C5: variants seen among roughly 807,000 people sequenced by gnomAD.
The protein encoded by C5 is complement C5, also known as C3 and PZP-like alpha-2-macroglobulin domain-containing protein 4.
In C5, 140 loss-of-function variants were observed where a neutral mutation model predicts 218.8. The ratio of observed to expected loss-of-function variants is 0.64; its 90% CI spans 0.56 to 0.74. The LOEUF (loss-of-function observed/expected upper bound fraction) is 0.74. C5 is among the 30% of genes least tolerant of loss of function. C5 has a pLI of 0.00. For missense variants in C5, 1,700 were observed against 1,969.6 expected (o/e 0.86, Z 2.59); for synonymous variants, 614 against 682.3 (o/e 0.90, Z 1.56).
At chr9:120,984,849 G>A (rs1468326270) in intron 25 of C5, among the ~76,000 whole-genome samples, 1 of 150,332 alleles carries the variant, frequency 6.7e-6, no homozygotes, top group Non-Finnish European at 1.5e-5. Context: ...AGCCTCCTGA[G>A]TAGGTGGGAC....
intron 30 of C5, among the ~76,000 whole-genome samples, chr9:120,974,120 C>G (rs779455728): frequency 2.0e-5 from 3 of 152,138 alleles, no homozygotes; most frequent in Non-Finnish European, 2.9e-5. Flanking sequence ...AAATATGTAT[C>G]AGCAGCTATA....
chr9:120,997,269 G>T (rs1411947873), intron 21 of C5, among the ~76,000 whole-genome samples: 1 of 151,764 alleles, frequency 6.6e-6, no homozygotes, highest in African/African-American at 2.4e-5. Flanking sequence ...GATATCTCTG[G>T]GTATGGGAAT....
At chr9:120,984,780 G>C (rs933310842) in intron 25 of C5, among the ~76,000 whole-genome samples, 18 of 134,626 alleles carry the variant, frequency 1.3e-4, no homozygotes, top group Non-Finnish European at 1.5e-5. Flanking sequence ...GGAGTGCAAT[G>C]GCGCAATCTT....
At chr9:120,978,237 CTA>C (rs1448840038) in intron 28 of C5, among the ~76,000 whole-genome samples, 2 of 152,016 alleles carry the variant, frequency 1.3e-5, no homozygotes, top group Non-Finnish European at 2.9e-5. Context: ...TTGGAACAAA[CTA>C]TTTGTTTTAA....
intron 3 of C5, among the ~76,000 whole-genome samples, chr9:121,041,789 A>ACC (rs2047583749): frequency 1.3e-5 from 2 of 152,084 alleles, no homozygotes; most frequent in Non-Finnish European, 2.9e-5. Context: ...GTCTAAAAGG[A>ACC]CCCAACCTTT....
intron 6 of C5, 110 bp from the exon 7 acceptor site, chr9:121,030,597 C>T (rs2047465856): frequency 1.6e-6 from 1 of 633,316 alleles, no homozygotes; most frequent in Non-Finnish European, 2.8e-6. Flanking sequence ...AACATCAACA[C>T]AACATCCACT....
intron 33 of C5, among the ~76,000 whole-genome samples, chr9:120,965,888 CT>C (rs558368513): frequency 6.6e-6 from 1 of 152,168 alleles, no homozygotes; most frequent in South Asian, 2.1e-4. Context: ...AACAGAAATC[CT>C]CCTTTCAAGA....
chr9:121,038,241 C>T (rs1246747632), intron 3 of C5, among the ~76,000 whole-genome samples: 1 of 152,120 alleles, frequency 6.6e-6, no homozygotes, highest in Admixed American at 6.6e-5. Flanking sequence ...AAAACATTCA[C>T]AGTATGAAAT....
intron 7 of C5, among the ~76,000 whole-genome samples, chr9:121,028,164 G>C (rs568593450): frequency 6.6e-6 from 1 of 152,318 alleles, no homozygotes; most frequent in African/African-American, 2.4e-5. Flanking sequence ...ACACCAGTTA[G>C]AATGGCAATC....
At chr9:120,993,483 C>T (rs1287854681) in intron 22 of C5, among the ~76,000 whole-genome samples, 3 of 152,150 alleles carry the variant, frequency 2.0e-5, no homozygotes, top group Non-Finnish European at 4.4e-5. Flanking sequence ...AGTGCAGTGG[C>T]GTGATCTTGG....
At position 120,989,679 on chromosome 9, in the gene C5, C is replaced by T. The variant is rs765069093; in HGVS notation, c.3043G>A (p.Val1015Ile). 31 of 1,613,420 alleles carry T rather than the reference C, an allele frequency of 1.9e-5. No homozygotes were observed. The highest frequency in any genetic ancestry group is 4.5e-5 in the East Asian group (2 of 44,878). ...TGAAAAACATAGAATACTGGGACAA[C>T]GCTCATCAGCTCCGCCTCTGCACTC... is the stretch of plus-strand genomic sequence containing the variant. ...KGSAEAELMS[V>I]VPVFYVFHYL... is the part of the protein sequence containing the mutation. Residue 1015 changes from valine (V) to isoleucine (I), a missense_variant, in exon 24 of 41, where the codon GTT becomes ATT. Transcript: ENST00000223642.
chr9:120,973,381 G>A (rs2046928971), intron 30 of C5, among the ~76,000 whole-genome samples: 1 of 152,172 alleles, frequency 6.6e-6, no homozygotes, highest in Non-Finnish European at 1.5e-5. Context: ...CCAGGGAAAG[G>A]AGACATATTC....
intron 3 of C5, among the ~76,000 whole-genome samples, chr9:121,039,740 C>G (rs2047560541): frequency 6.6e-6 from 1 of 152,156 alleles, no homozygotes; most frequent in Non-Finnish European, 1.5e-5. Flanking sequence ...ACTCCACCTC[C>G]TGGGTTCATG....
intron 27 of C5, 69 bp downstream of exon 27, chr9:120,981,775 T>C: frequency 2.0e-6 from 2 of 1,005,582 alleles, no homozygotes; most frequent in East Asian, 4.8e-5. Context: ...GGTCTTCTGA[T>C]TGGTGGCCCC....
At chr9:120,971,639 G>A (rs562024404) in intron 31 of C5, among the ~76,000 whole-genome samples, 16 of 152,256 alleles carry the variant, frequency 1.1e-4, no homozygotes, top group South Asian at 8.3e-4. Flanking sequence ...GGGTTTCACC[G>A]TGTTAGCCAG....
intron 28 of C5, among the ~76,000 whole-genome samples, chr9:120,977,193 C>A (rs1472028716): frequency 6.6e-6 from 1 of 152,134 alleles, no homozygotes; most frequent in East Asian, 1.9e-4. Context: ...TCACCCCTGA[C>A]CTCATGTGAT....
chr9:121,042,718 A>G (rs1467247441), intron 3 of C5, among the ~76,000 whole-genome samples: 1 of 152,244 alleles, frequency 6.6e-6, no homozygotes, highest in African/African-American at 2.4e-5. Context: ...TTTACATAAC[A>G]TTCAACATTT....
rs2047092203 is a variant in C5, at chr9:120,993,426, T to TAC, written c.2852-2147_2852-2146insGT. ...GTATACCTATAACAATAGAGTTATA[T>TAC]ATATATATATTTTTGAGACGGAGTC... On this transcript the variant is annotated intron_variant, in intron 22 of 40. Coordinates refer to ENST00000223642, the MANE Select transcript of C5 (RefSeq NM_001735.3). 2.0e-5 allele frequency among the ~76,000 whole-genome samples: 3 copies of TAC among 152,144 alleles called. No individual in the cohort carries two copies. The South Asian group carries it at 6.2e-4, about 32-fold the overall frequency.
At chr9:121,019,843 G>C in intron 12 of C5, 133 bp downstream of exon 12, 1 of 652,026 alleles carries the variant, frequency 1.5e-6, no homozygotes, top group Non-Finnish European at 2.7e-6. Context: ...AGAAACTGAT[G>C]TTCAAGTTAG....
Sources: allele counts gnomAD v4.1 joint callset (sites outside exome capture counted in the v4.1 genomes callset), GRCh38; gene constraint gnomAD v4.1.1; transcripts MANE v1.5; gene names NCBI Gene and HGNC (gene_info 2026-07-23, HGNC 2026-07-21).